The following SDC2 variants were observed in gnomAD, a reference collection of about 807,000 sequenced individuals.
SDC2 encodes the protein syndecan-2.
A neutral mutation model predicts 22.2 loss-of-function variants in SDC2; 13 were observed. The ratio of observed to expected loss-of-function variants is 0.59; its 90% confidence interval spans 0.38 to 0.93. The LOEUF (loss-of-function observed/expected upper bound fraction) is 0.93, where lower values mean the gene tolerates loss of function less well. Among genes scored for constraint, SDC2 ranks in the 40% least tolerant of loss-of-function variants. SDC2 has a pLI of 0.00. For synonymous variants in SDC2, 94 were observed against 92.8 expected, an observed-to-expected ratio of 1.01 and a Z score of -0.07; for missense variants, 235 against 246.8, an observed-to-expected ratio of 0.95 and a Z score of 0.32.
intron 1 of SDC2, among the ~76,000 whole-genome samples, chr8:96,529,925 C>T (rs755360340): frequency 1.3e-5 from 2 of 152,076 alleles, no homozygotes; most frequent in Non-Finnish European, 2.9e-5. Context: ...CAGGCATTAC[C>T]GCCTTCCCTC....
chr8:96,505,221 T>G (rs1233121790), intron 1 of SDC2, among the ~76,000 whole-genome samples: 1 of 152,222 alleles, frequency 6.6e-6, no homozygotes, highest in Non-Finnish European at 1.5e-5. Flanking sequence ...GAAATTTAGT[T>G]AAGACTGGAA....
chr8:96,597,003 A>C (rs1814888939), intron 2 of SDC2, among the ~76,000 whole-genome samples: 1 of 152,128 alleles, frequency 6.6e-6, no homozygotes, highest in African/African-American at 2.4e-5. Context: ...CTGTTTAAGA[A>C]ATAGATCCCC....
At position 96,609,916 on chromosome 8, in the gene SDC2, T is replaced by A. The variant is rs962563044; in HGVS notation, c.*368T>A. The A allele has an allele frequency of 6.3e-6, 1 of 158,710 alleles. No homozygotes were observed. The highest frequency in any genetic ancestry group is 2.4e-5 in the African/African-American group (1 of 41,724). 9.8% of individuals were successfully genotyped at this position (158,710 alleles called of 1,614,324 possible). A position where few individuals can be genotyped will look rare whatever the true frequency, so the allele number is the denominator to read the frequency against. ...TCTCAGATTGACCTTACCAAGTTGG[T>A]CTTACTTTGTTAATTTATCTGTTGT... On this transcript the variant is annotated 3_prime_UTR_variant, in exon 5 of 5. Transcript: ENST00000302190.
At chr8:96,530,776 T>G (rs1813648849) in intron 1 of SDC2, among the ~76,000 whole-genome samples, 1 of 152,268 alleles carries the variant, frequency 6.6e-6, no homozygotes, top group African/African-American at 2.4e-5. Context: ...TTATATTGTT[T>G]ATAAAGCACT....
chr8:96,539,689 A>G (rs895806200), intron 1 of SDC2, among the ~76,000 whole-genome samples: 1 of 152,232 alleles, frequency 6.6e-6, no homozygotes, highest in African/African-American at 2.4e-5. Flanking sequence ...GAAAAGCAAT[A>G]TGACGTGAAT....
chr8:96,549,918 C>T (rs1261251520), intron 1 of SDC2, among the ~76,000 whole-genome samples: 1 of 152,070 alleles, frequency 6.6e-6, no homozygotes, highest in Non-Finnish European at 1.5e-5. Context: ...TCTAATTCAT[C>T]CATTTTGAAC....
chr8:96,496,029 T>C, intron 1 of SDC2, among the ~76,000 whole-genome samples: 1 of 152,222 alleles, frequency 6.6e-6, no homozygotes, highest in Non-Finnish European at 1.5e-5. Flanking sequence ...CTCCTCTTGT[T>C]GCAAAACAGG....
intron 1 of SDC2, among the ~76,000 whole-genome samples, chr8:96,527,035 C>G (rs1202097593): frequency 2.0e-5 from 3 of 152,156 alleles, no homozygotes; most frequent in African/African-American, 7.2e-5. Context: ...TCTTCATTCT[C>G]CATGTCTCCT....
chr8:96,566,630 T>G (rs1814303216), intron 1 of SDC2, among the ~76,000 whole-genome samples: 1 of 151,744 alleles, frequency 6.6e-6, no homozygotes. Context: ...TTGTAGTTTC[T>G]CTGAGATTGA....
rs77040117 is a variant in SDC2 at position 96,596,362 on chromosome 8, A to G, written c.172+2771A>G. Among the ~76,000 whole-genome samples, 202 of 152,352 alleles carry G rather than the reference A, an allele frequency of 1.3e-3. 5 individuals are homozygous for G. The East Asian group carries it at 0.03, about 22-fold the overall frequency. On this transcript the variant is annotated intron_variant, in intron 2 of 4. Coordinates refer to ENST00000302190, the MANE Select transcript of SDC2 (RefSeq NM_002998.4). ...TCTTTCATCCAGCTATCCAGTAGAA[A>G]AGCAAATGGATTGGAAAAAATGGCT... is the stretch of plus-strand genomic sequence containing the variant.
intron 1 of SDC2, among the ~76,000 whole-genome samples, chr8:96,573,246 T>G (rs1010689205): frequency 9.1e-5 from 2 of 22,078 alleles, no homozygotes; most frequent in African/African-American, 2.9e-4. Flanking sequence ...CCTCAAAGTT[T>G]TAGTCCAGGT....
Position 96,593,587 on chromosome 8 carries a change from C to T in SDC2, c.168C>T (p.Gly56=). 6.2e-7 allele frequency: 1 copy of T among 1,606,188 alleles called. No individual in the cohort carries two copies. ...ACGATGACTACGCTTCTGCGTCTGG[C>T]TCGGGTAAGGTGGCTGCTTCTAAAC... ...IDDDDYASAS[G]SGADEDVESP... The change falls in exon 2 of 5, where the codon GGC becomes GGT. Residue 56 remains glycine (G), a synonymous_variant. Transcript: ENST00000302190.
intron 1 of SDC2, among the ~76,000 whole-genome samples, chr8:96,569,147 G>T (rs1814349189): frequency 6.6e-6 from 1 of 152,128 alleles, no homozygotes; most frequent in Admixed American, 6.6e-5. Flanking sequence ...AGCTAGGACT[G>T]CAGGTGCACA....
intron 4 of SDC2, 55 bp downstream of exon 4, chr8:96,608,525 T>C: frequency 2.0e-6 from 3 of 1,475,006 alleles, no homozygotes; most frequent in Middle Eastern, 1.8e-4. Context: ...CCTCTGTTAG[T>C]CTAAGTGATA....
At chr8:96,509,779 A>G (rs1182357582) in intron 1 of SDC2, among the ~76,000 whole-genome samples, 1 of 152,166 alleles carries the variant, frequency 6.6e-6, no homozygotes, top group Non-Finnish European at 1.5e-5. Flanking sequence ...TATGCTTTCT[A>G]CTGCTGTGAT....
At chr8:96,501,295 C>CT (rs35998270) in intron 1 of SDC2, among the ~76,000 whole-genome samples, 3,280 of 55,216 alleles carry the variant, frequency 0.059, 699 homozygotes, top group African/African-American at 0.066. Flanking sequence ...ATACGTATTT[C>CT]TTTTTTTTTT....
At position 96,494,307 on chromosome 8, in the gene SDC2, G is replaced by A. The variant is rs750418498; in HGVS notation, c.36G>A (p.Leu12=). The A allele has an allele frequency of 8.0e-5, 124 of 1,546,108 alleles. No individual in the cohort carries two copies. The highest frequency in any genetic ancestry group is 1.0e-4 in the Non-Finnish European group (117 of 1,149,688). Residue 12 remains leucine, a synonymous_variant, in exon 1 of 5, where the codon TTG becomes TTA. Transcript: ENST00000302190. ...RRAWILLTLG[L]VACVSAESRA... ...CGTGGATCCTGCTCACCTTGGGCTT[G>A]GTGGCCTGCGTGTCGGCGGAGTCGG... is the stretch of plus-strand genomic sequence containing the variant.
chr8:96,520,283 A>G (rs1165522167), intron 1 of SDC2, among the ~76,000 whole-genome samples: 1 of 152,238 alleles, frequency 6.6e-6, no homozygotes, highest in Non-Finnish European at 1.5e-5. Flanking sequence ...TTCAAGGGCC[A>G]TCGAACTGAA....
chr8:96,609,227 A>G (rs1195187819), intron 4 of SDC2, among the ~76,000 whole-genome samples, 158 bp from the exon 5 acceptor site: 2 of 152,186 alleles, frequency 1.3e-5, no homozygotes, highest in African/African-American at 2.4e-5. Flanking sequence ...TCAGATTTGC[A>G]TAGTTACCAG....
Sources: allele counts gnomAD v4.1 joint callset (sites outside exome capture counted in the v4.1 genomes callset), GRCh38; gene constraint gnomAD v4.1.1; transcripts MANE v1.5; gene names NCBI Gene and HGNC (gene_info 2026-07-23, HGNC 2026-07-21).